BICC1: variants seen among roughly 807,000 people sequenced by gnomAD.
BICC1 encodes BicC family RNA binding protein 1.
In BICC1, 43 loss-of-function variants were observed where a neutral mutation model predicts 111.0. The ratio of observed to expected loss-of-function variants is 0.39; its 90% CI spans 0.30 to 0.50. The LOEUF is 0.50. Ranked by LOEUF, BICC1 falls within the 20% of genes least tolerant of loss-of-function variation. BICC1 has a pLI of 0.88. For missense variants in BICC1, 1,091 were observed against 1,203.2 expected (o/e 0.91, Z 1.38); for synonymous variants, 467 against 434.4 (o/e 1.07, Z -0.93).
At chr10:58,745,539 A>G (rs2132622094) in intron 3 of BICC1, among the ~76,000 whole-genome samples, 1 of 150,126 alleles carries the variant, frequency 6.7e-6, no homozygotes, top group African/African-American at 2.5e-5. Context: ...AAGCAGAACC[A>G]TGTTCCCTTC....
chr10:58,704,816 T>C (rs1840342677), intron 3 of BICC1, among the ~76,000 whole-genome samples: 1 of 152,222 alleles, frequency 6.6e-6, no homozygotes, highest in Non-Finnish European at 1.5e-5. Context: ...TAGGTTTGTG[T>C]TGCATTTCAC....
At chr10:58,600,048 C>A (rs1336501501) in intron 1 of BICC1, among the ~76,000 whole-genome samples, 1 of 151,762 alleles carries the variant, frequency 6.6e-6, no homozygotes, top group Non-Finnish European at 1.5e-5. Flanking sequence ...AAAATGCATC[C>A]CACTGATGCT....
intron 1 of BICC1, among the ~76,000 whole-genome samples, chr10:58,601,912 A>G (rs1380600471): frequency 1.3e-5 from 2 of 152,118 alleles, no homozygotes; most frequent in African/African-American, 4.8e-5. Flanking sequence ...GATTTAGCAA[A>G]ATTAGAAAGA....
chr10:58,760,849 A>G (rs1842294431), intron 3 of BICC1, among the ~76,000 whole-genome samples: 1 of 152,146 alleles, frequency 6.6e-6, no homozygotes, highest in Non-Finnish European at 1.5e-5. Flanking sequence ...TGTCTATAGA[A>G]AAGACTTACT....
In BICC1 at chr10:58,798,999, A is replaced by T. The variant is rs529087625; in HGVS notation, c.1529-57A>T. The T allele has an allele frequency of 1.4e-4, 186 of 1,283,478 alleles. 1 individual carries two copies. In the African/African-American group the frequency reaches 2.7e-3, roughly 19 times the overall value. 79.5% of individuals were successfully genotyped at this position (1,283,478 alleles called of 1,614,324 possible). A position where few individuals can be genotyped will look rare whatever the true frequency, so the allele number is the denominator to read the frequency against. On this transcript the variant is annotated intron_variant, in intron 11 of 20. Transcript: ENST00000373886. ...AATGATATTTTTATTGTTAATAAAA[A>T]TAATAGTTGAATCTGAGTTTCTTCC...
chr10:58,791,172 G>A (rs1027495767), intron 8 of BICC1, among the ~76,000 whole-genome samples: 1 of 151,920 alleles, frequency 6.6e-6, no homozygotes, highest in East Asian at 1.9e-4. Flanking sequence ...TTAATATACT[G>A]TACTACAAGT....
intron 1 of BICC1, among the ~76,000 whole-genome samples, chr10:58,598,642 C>A (rs1844916026): frequency 6.6e-6 from 1 of 152,020 alleles, no homozygotes; most frequent in Non-Finnish European, 1.5e-5. Flanking sequence ...GCAACAAAAG[C>A]CAGAATTTAC....
intron 1 of BICC1, among the ~76,000 whole-genome samples, chr10:58,612,892 G>C (rs971638363): frequency 6.6e-6 from 1 of 152,142 alleles, no homozygotes; most frequent in Non-Finnish European, 1.5e-5. Context: ...TGTGCCCCAG[G>C]AAGAATTTAA....
intron 1 of BICC1, among the ~76,000 whole-genome samples, chr10:58,545,520 T>C (rs556526435): frequency 1.2e-4 from 19 of 152,246 alleles, no homozygotes; most frequent in Non-Finnish European, 2.2e-4. Context: ...AGAGGCCTAA[T>C]GGATTGGAAA....
intron 1 of BICC1, among the ~76,000 whole-genome samples, chr10:58,523,549 T>C (rs7089636): frequency 6.6e-6 from 1 of 151,900 alleles, no homozygotes; most frequent in Non-Finnish European, 1.5e-5. Context: ...TGATGGGACG[T>C]ATCTCAAAAT....
Position 58,798,465 on chromosome 10 carries a change from T to G in BICC1, c.1433T>G (p.Leu478Arg), listed in dbSNP as rs1174891221. The G allele has an allele frequency of 6.2e-7, 1 of 1,613,530 alleles. No homozygotes were observed. The highest frequency in any genetic ancestry group is 1.1e-5 in the South Asian group (1 of 91,026). Residue 478 changes from leucine to arginine, a missense_variant, in exon 11 of 21, where the codon CTT becomes CGT. This residue lies in a region of BICC1 where 843 missense variants were observed against 900.8 expected (regional missense o/e 0.94). Coordinates refer to ENST00000373886, the MANE Select transcript of BICC1 (RefSeq NM_001080512.3). ...STTPNSLLNALNSSVSPLQSP... is the reference protein window; with the variant it reads ...STTPNSLLNARNSSVSPLQSP... ...ACCCCAAACTCACTCTTGAATGCTC[T>G]TAATAGCTCAGTCAGTCCTTTGCAA...
At chr10:58,650,591 C>G (rs1838416012) in intron 2 of BICC1, 1 of 152,156 alleles carries the variant, frequency 6.6e-6, no homozygotes, top group Admixed American at 6.5e-5. Context: ...GGAACATTGG[C>G]TACACTATTC....
chr10:58,579,872 A>AT (rs1424769937), intron 1 of BICC1, among the ~76,000 whole-genome samples: 18 of 50,100 alleles, frequency 3.6e-4, no homozygotes, highest in African/African-American at 4.8e-4. Context: ...TGGATTATTC[A>AT]TTTTTTCCAT....
intron 2 of BICC1, among the ~76,000 whole-genome samples, chr10:58,685,871 G>A (rs1589019839): frequency 6.6e-6 from 1 of 152,134 alleles, no homozygotes; most frequent in African/African-American, 2.4e-5. Context: ...TACATTTAAG[G>A]TTAGTATTGT....
chr10:58,512,578 GAT>G (rs2132478652), upstream of BICC1, among the ~76,000 whole-genome samples: 2 of 152,196 alleles, frequency 1.3e-5, no homozygotes, highest in South Asian at 4.1e-4. Context: ...TAGTGTGTGT[GAT>G]GTGTGTGTGT....
Position 58,828,865 on chromosome 10 carries a change from A to G in BICC1, c.2899A>G (p.Ile967Val). 4 of 1,613,968 alleles carry G rather than the reference A, an allele frequency of 2.5e-6. No individual in the cohort carries two copies. Among genetic ancestry groups the G allele is most frequent in the Non-Finnish European group, 3.4e-6 (4 of 1,179,870 alleles). The change falls in exon 21 of 21, where the codon ATT (isoleucine) becomes GTT (valine). Residue 967 changes from isoleucine to valine, a missense_variant. By Grantham distance (29) the Ile-to-Val change is conservative. Transcript: ENST00000373886. The stretch of plus-strand genomic sequence containing the variant: ...GCTACCCCGTCAGTATCACTCAGAC[A>G]TTGCTAGTGTCAGTGGCCGCTGGTA... Reference protein sequence around the residue: ...GRLPRQYHSDIASVSGRW With the variant: ...GRLPRQYHSDVASVSGRW
intron 3 of BICC1, among the ~76,000 whole-genome samples, chr10:58,719,975 C>T (rs1395391232): frequency 6.6e-6 from 1 of 152,122 alleles, no homozygotes; most frequent in Non-Finnish European, 1.5e-5. Context: ...GAGAAAGGAC[C>T]CTTTCCAACT....
At chr10:58,781,000 T>A (rs1842869291) in intron 3 of BICC1, among the ~76,000 whole-genome samples, 1 of 152,176 alleles carries the variant, frequency 6.6e-6, no homozygotes, top group South Asian at 2.1e-4. Flanking sequence ...TTTTTCTCTT[T>A]GGCATTATTC....
intron 1 of BICC1, among the ~76,000 whole-genome samples, chr10:58,540,676 C>A (rs540700268): frequency 6.6e-6 from 1 of 152,080 alleles, no homozygotes; most frequent in East Asian, 1.9e-4. Context: ...TGCTTCTAAA[C>A]AATTAAATAA....
Sources: gnomAD v4.1 joint callset for allele counts (sites outside exome capture counted in the v4.1 genomes callset) on GRCh38, gnomAD v4.1.1 for gene constraint, gnomAD v4.1.1 regional missense constraint, MANE v1.5 for transcripts, NCBI Gene and HGNC (gene_info 2026-07-23, HGNC 2026-07-21) for gene names.